The following BRCC3 variants were observed in gnomAD, a reference collection of about 807,000 sequenced individuals.
The protein encoded by BRCC3 is BRCA1/BRCA2-containing complex subunit 3.
A neutral mutation model predicts 28.0 loss-of-function variants in BRCC3; 15 were observed. That is an observed-to-expected ratio of 0.54 (90% confidence interval 0.36 to 0.82). The LOEUF is 0.82. Ranked by LOEUF, BRCC3 falls within the 40% of genes least tolerant of loss-of-function variation. The pLI is 0.01. For missense variants in BRCC3, 109 were observed against 225.9 expected (o/e 0.48, Z 3.32); for synonymous variants, 66 against 80.3 (o/e 0.82, Z 0.95).
At chrX:155,111,909 T>G in intron 7 of BRCC3, among the ~76,000 whole-genome samples, 1 of 111,841 alleles carries the variant, frequency 8.9e-6, no homozygotes, top group Non-Finnish European at 1.9e-5. Context: ...AGTGGAGGCC[T>G]GAAACCACAG....
chrX:155,085,427 C>G (rs1275552824), intron 5 of BRCC3, among the ~76,000 whole-genome samples: 2 of 112,328 alleles, frequency 1.8e-5, no homozygotes, highest in African/African-American at 6.5e-5. Flanking sequence ...AACCAGCTCT[C>G]TGCCGTACTT....
intron 10 of BRCC3, among the ~76,000 whole-genome samples, chrX:155,120,852 A>C (rs2074384826): frequency 8.9e-6 from 1 of 112,008 alleles, no homozygotes; most frequent in South Asian, 3.7e-4. Flanking sequence ...TCATGCTTTA[A>C]AAAGTTTGGT....
At chrX:155,106,616 A>C (rs1007694978) in intron 7 of BRCC3, among the ~76,000 whole-genome samples, 5 of 112,701 alleles carry the variant, frequency 4.4e-5, no homozygotes, top group Non-Finnish European at 9.4e-5. Context: ...GAAAAATCAT[A>C]AGTGCTATCA....
intron 2 of BRCC3, 102 bp from the exon 3 acceptor site, chrX:155,073,275 A>G: frequency 4.1e-6 from 4 of 964,255 alleles, no homozygotes; most frequent in Non-Finnish European, 5.7e-6. Flanking sequence ...GGTCTCTGCT[A>G]AGATTTCATT....
At chrX:155,118,273 G>C (rs1476042235) in intron 9 of BRCC3, among the ~76,000 whole-genome samples, 4 of 109,130 alleles carry the variant, frequency 3.7e-5, no homozygotes, top group African/African-American at 1.3e-4. Flanking sequence ...GAACAAAAAG[G>C]ACGCGTCTCA....
chrX:155,075,269 GATAATGCTAAGCCCAC>G (rs1557293336), intron 3 of BRCC3, among the ~76,000 whole-genome samples: 55 of 110,487 alleles, frequency 5.0e-4, no homozygotes, highest in African/African-American at 1.8e-3. Flanking sequence ...TTCAACATCT[GATAATGCTAAGCCCAC>G]TCTTTCCCCT....
intron 7 of BRCC3, among the ~76,000 whole-genome samples, chrX:155,111,734 G>A (rs1489806398): frequency 1.2e-5 from 1 of 86,893 alleles, no homozygotes; most frequent in African/African-American, 5.6e-5. Flanking sequence ...ATGCACAAGG[G>A]AGAAAGGAAA....
intron 7 of BRCC3, among the ~76,000 whole-genome samples, chrX:155,113,597 A>C (rs2074336235): frequency 8.9e-6 from 1 of 111,912 alleles, no homozygotes; most frequent in Non-Finnish European, 1.9e-5. Context: ...AATTTCTTGA[A>C]TATGACACCA....
intron 5 of BRCC3, among the ~76,000 whole-genome samples, chrX:155,085,591 G>A (rs2074117949): frequency 1.8e-5 from 2 of 112,403 alleles, no homozygotes; most frequent in African/African-American, 3.2e-5. Context: ...ACAGATAAGC[G>A]ACCTCCAACT....
intron 7 of BRCC3, chrX:155,099,340 T>C: frequency 8.3e-7 from 1 of 1,210,334 alleles, no homozygotes; most frequent in Non-Finnish European, 1.1e-6. Context: ...ACGAGACTTC[T>C]GGAGCTCCAG....
intron 7 of BRCC3, among the ~76,000 whole-genome samples, chrX:155,100,833 C>T (rs1310050176): frequency 8.9e-6 from 1 of 111,880 alleles, no homozygotes; most frequent in East Asian, 2.8e-4. Context: ...AAAAAAACTG[C>T]ATACAGGGTG....
intron 7 of BRCC3, among the ~76,000 whole-genome samples, chrX:155,092,246 T>A (rs1557295755): frequency 8.9e-6 from 1 of 112,280 alleles, no homozygotes; most frequent in African/African-American, 3.2e-5. Context: ...GTTATGTTAC[T>A]ATTTTTTGTT....
chrX:155,115,943 C>A, intron 7 of BRCC3, 114 bp from the exon 8 acceptor site: 2 of 732,573 alleles, frequency 2.7e-6, no homozygotes, highest in Non-Finnish European at 4.0e-6. Context: ...TGAATTACAG[C>A]AATGCTTAAT....
At chrX:155,117,561 C>A (rs1557298972) in intron 9 of BRCC3, among the ~76,000 whole-genome samples, 1 of 110,932 alleles carries the variant, frequency 9.0e-6, no homozygotes, top group East Asian at 2.8e-4. Flanking sequence ...CTATCTGTCC[C>A]ATAATTTCGG....
intron 3 of BRCC3, 81 bp downstream of exon 3, chrX:155,073,512 T>C: frequency 9.7e-7 from 1 of 1,034,628 alleles, no homozygotes; most frequent in South Asian, 2.1e-5. Context: ...AGCCAGAGTA[T>C]GCGGTTTCTG....
intron 7 of BRCC3, among the ~76,000 whole-genome samples, chrX:155,106,259 T>G (rs944700364): frequency 8.9e-6 from 1 of 112,092 alleles, no homozygotes; most frequent in Non-Finnish European, 1.9e-5. Context: ...TCTTTTTTGC[T>G]TTGTTAATGT....
chrX:155,101,656 G>A (rs1352714732), intron 7 of BRCC3, among the ~76,000 whole-genome samples: 1 of 111,658 alleles, frequency 9.0e-6, no homozygotes, highest in Non-Finnish European at 1.9e-5. Context: ...TTTCAGAATT[G>A]GCTAGTGGAA....
intron 5 of BRCC3, among the ~76,000 whole-genome samples, chrX:155,085,900 GCTAC>G (rs1557294773): frequency 8.0e-5 from 9 of 111,818 alleles, no homozygotes; most frequent in African/African-American, 2.9e-4. Flanking sequence ...TGCCATGACA[GCTAC>G]CTGAATGACT....
At chrX:155,080,176 A>G (rs868956516) in intron 5 of BRCC3, among the ~76,000 whole-genome samples, 12 of 112,028 alleles carry the variant, frequency 1.1e-4, no homozygotes, top group Middle Eastern at 4.6e-3. Context: ...ATCAGCCACT[A>G]ATGAAGAAAA....
Sources: gnomAD v4.1 joint callset for allele counts (sites outside exome capture counted in the v4.1 genomes callset) on GRCh38, gnomAD v4.1.1 for gene constraint, MANE v1.5 for transcripts, NCBI Gene and HGNC (gene_info 2026-07-23, HGNC 2026-07-21) for gene names.